MAF: variants seen among roughly 807,000 people sequenced by gnomAD.
The protein encoded by MAF is transcription factor Maf.
Under a neutral mutation model 22.0 loss-of-function variants are expected in MAF, and 10 were observed. The ratio of observed to expected loss-of-function variants is 0.45; its 90% CI spans 0.28 to 0.77. MAF has a LOEUF of 0.77. MAF is among the 30% of genes least tolerant of loss of function. The probability of loss-of-function intolerance (pLI) is 0.12; values close to 1 mark genes in which losing one functional copy is unlikely to be tolerated. For missense variants in MAF, 544 were observed against 548.4 expected (o/e 0.99, Z 0.08); for synonymous variants, 337 against 255.8 (o/e 1.32, Z -3.03).
At chr16:79,492,896 G>A in the MAF span, among the ~76,000 whole-genome samples, 1 of 152,182 alleles carries the variant, frequency 6.6e-6, no homozygotes, top group African/African-American at 2.4e-5. Context: ...GGGCTATGAA[G>A]GGGGTCTGCA....
chr16:79,376,939 T>C, the MAF span, among the ~76,000 whole-genome samples: 8 of 152,230 alleles, frequency 5.3e-5, no homozygotes, highest in Non-Finnish European at 1.2e-4. Context: ...GACATTTGGG[T>C]TGGTTCCAAG....
the MAF span, among the ~76,000 whole-genome samples, chr16:79,429,260 A>G: frequency 6.6e-6 from 1 of 152,176 alleles, no homozygotes; most frequent in Admixed American, 6.5e-5. Context: ...TAATGAGCCA[A>G]TACAAATATC....
chr16:79,499,445 C>T, the MAF span, among the ~76,000 whole-genome samples: 131,733 of 152,200 alleles, frequency 0.87, 57,062 homozygotes, highest in East Asian at 0.92. Context: ...GTAGGCGGAA[C>T]GGTGGCTTCC....
At chr16:79,208,655 A>ATGCTT in the MAF span, among the ~76,000 whole-genome samples, 13,477 of 152,120 alleles carry the variant, frequency 0.089, 718 homozygotes, top group Middle Eastern at 0.15. Flanking sequence ...CAGTTTAAGA[A>ATGCTT]TGCTTTCTCT....
the MAF span, among the ~76,000 whole-genome samples, chr16:79,406,102 G>A: frequency 1.3e-5 from 2 of 152,156 alleles, no homozygotes; most frequent in African/African-American, 4.8e-5. Flanking sequence ...GCCTCCCAGA[G>A]GTCCCCAGTG....
At chr16:79,242,980 T>C in the MAF span, among the ~76,000 whole-genome samples, 1 of 152,032 alleles carries the variant, frequency 6.6e-6, no homozygotes, top group African/African-American at 2.4e-5. Context: ...AAGGCAGAAA[T>C]AAAGAAGTTT....
chr16:79,414,487 CA>C, the MAF span, among the ~76,000 whole-genome samples: 1 of 152,134 alleles, frequency 6.6e-6, no homozygotes, highest in African/African-American at 2.4e-5. Flanking sequence ...GGCACAAAGC[CA>C]TTCATGAGGG....
the MAF span, among the ~76,000 whole-genome samples, chr16:79,245,312 T>C: frequency 6.6e-6 from 1 of 151,992 alleles, no homozygotes; most frequent in Non-Finnish European, 1.5e-5. Context: ...TTTTGCAATC[T>C]ATCCATCTGA....
At chr16:79,592,014 C>T (rs963406786), downstream of MAF, among the ~76,000 whole-genome samples, 5 of 152,192 alleles carry the variant, frequency 3.3e-5, no homozygotes, top group African/African-American at 1.2e-4. Context: ...GGCATACATG[C>T]ACACTAGGTC....
At chr16:79,587,373 C>T (rs956897378) in intron 1 of MAF, among the ~76,000 whole-genome samples, 15 of 151,818 alleles carry the variant, frequency 9.9e-5, no homozygotes, top group African/African-American at 3.4e-4. Flanking sequence ...AGTTGTTCTC[C>T]ATTTGAAGTT....
chr16:79,301,076 C>A, the MAF span, among the ~76,000 whole-genome samples: 41 of 152,142 alleles, frequency 2.7e-4, no homozygotes, highest in African/African-American at 9.9e-4. Context: ...GAAAACCAAG[C>A]GGAGTCTCAA....
the MAF span, among the ~76,000 whole-genome samples, chr16:79,254,266 T>C: frequency 6.6e-6 from 1 of 152,204 alleles, no homozygotes; most frequent in African/African-American, 2.4e-5. Context: ...TCTTTCTCTC[T>C]CTACATTTAT....
the MAF span, among the ~76,000 whole-genome samples, chr16:79,419,961 T>TGACTGA: frequency 6.6e-6 from 1 of 151,786 alleles, no homozygotes; most frequent in South Asian, 2.1e-4. Flanking sequence ...AGTCCTGGAG[T>TGACTGA]ATAACCAGTG....
the MAF span, among the ~76,000 whole-genome samples, chr16:79,295,707 G>A: frequency 1.3e-5 from 2 of 152,194 alleles, no homozygotes; most frequent in Non-Finnish European, 2.9e-5. Flanking sequence ...ACAAAGCAGG[G>A]TCTCCCACTG....
At chr16:79,382,899 G>A in the MAF span, among the ~76,000 whole-genome samples, 3 of 152,234 alleles carry the variant, frequency 2.0e-5, no homozygotes, top group Admixed American at 2.0e-4. Context: ...TTGCAAAGTA[G>A]TACTAATGGG....
At chr16:79,579,761 TA>T in the MAF span, among the ~76,000 whole-genome samples, 3 of 152,176 alleles carry the variant, frequency 2.0e-5, no homozygotes, top group African/African-American at 7.2e-5. Context: ...TCATCTTTCC[TA>T]AAGTGAAAAT....
the MAF span, among the ~76,000 whole-genome samples, chr16:79,350,064 A>G: frequency 6.6e-6 from 1 of 152,200 alleles, no homozygotes; most frequent in Non-Finnish European, 1.5e-5. Flanking sequence ...TTATGTATGT[A>G]CATCTCTGCT....
At chr16:79,336,617 T>G in the MAF span, among the ~76,000 whole-genome samples, 16 of 152,254 alleles carry the variant, frequency 1.1e-4, no homozygotes, top group African/African-American at 3.6e-4. Context: ...TCCAGTTCAG[T>G]GTTTGGTTAA....
the MAF span, among the ~76,000 whole-genome samples, chr16:79,553,479 G>A: frequency 6.6e-6 from 1 of 152,214 alleles, no homozygotes; most frequent in African/African-American, 2.4e-5. Context: ...ACAGCGTGGA[G>A]TCAGTTTGTG....
Sources: allele counts gnomAD v4.1 joint callset (sites outside exome capture counted in the v4.1 genomes callset), GRCh38; gene constraint gnomAD v4.1.1; transcripts MANE v1.5; gene names NCBI Gene and HGNC (gene_info 2026-07-23, HGNC 2026-07-21).